Variants in COMMD10 observed in about 807,000 individuals in gnomAD.
COMMD10 encodes the protein COMM domain containing 10.
Under a neutral mutation model 28.9 loss-of-function variants are expected in COMMD10, and 33 were observed. That is an observed-to-expected ratio of 1.14 (90% CI 0.87 to 1.53). COMMD10 has a LOEUF of 1.53. Among genes scored for constraint, COMMD10 ranks in the 40% most tolerant of loss-of-function variants. The probability of loss-of-function intolerance (pLI) is 0.00; values close to 1 mark genes in which losing one functional copy is unlikely to be tolerated. For missense variants in COMMD10, 310 were observed against 233.4 expected, an observed-to-expected ratio of 1.33 and a Z score of -2.14; for synonymous variants, 110 against 81.7, an observed-to-expected ratio of 1.35 and a Z score of -1.87.
At chr5:116,253,499 A>G (rs1187891212) in intron 5 of COMMD10, among the ~76,000 whole-genome samples, 7 of 148,930 alleles carry the variant, frequency 4.7e-5, no homozygotes, top group African/African-American at 9.9e-5. Context: ...GAGAGTTTTT[A>G]GCATGAAGCG....
At chr5:116,223,231 T>C (rs1044955144) in intron 5 of COMMD10, among the ~76,000 whole-genome samples, 12 of 152,104 alleles carry the variant, frequency 7.9e-5, no homozygotes, top group African/African-American at 2.7e-4. Context: ...GGATAAAATG[T>C]AAGGAAATCA....
chr5:116,164,836 C>T (rs1349285468), intron 5 of COMMD10, among the ~76,000 whole-genome samples: 1 of 152,058 alleles, frequency 6.6e-6, no homozygotes, highest in East Asian at 1.9e-4. Context: ...ATTTTATGTA[C>T]TGCCACTTAA....
chr5:116,112,303 C>G (rs1751070755), intron 4 of COMMD10, among the ~76,000 whole-genome samples: 1 of 152,004 alleles, frequency 6.6e-6, no homozygotes, highest in African/African-American at 2.4e-5. Flanking sequence ...TTTCGTTGGC[C>G]CATAATATCA....
chr5:116,178,009 G>C (rs922181007), intron 5 of COMMD10, among the ~76,000 whole-genome samples: 3 of 151,966 alleles, frequency 2.0e-5, no homozygotes, highest in Non-Finnish European at 4.4e-5. Flanking sequence ...AAAAAGATAG[G>C]GTTCAGAATG....
At chr5:116,268,253 G>GA (rs1434098469) in intron 5 of COMMD10, among the ~76,000 whole-genome samples, 1 of 151,598 alleles carries the variant, frequency 6.6e-6, no homozygotes, top group African/African-American at 2.4e-5. Context: ...AAATTTACAA[G>GA]AAAAAAATCA....
chr5:116,200,476 C>G (rs570955458), intron 5 of COMMD10, among the ~76,000 whole-genome samples: 1 of 152,152 alleles, frequency 6.6e-6, no homozygotes, highest in East Asian at 1.9e-4. Flanking sequence ...TGACATTAAT[C>G]TGAGGACATT....
At chr5:116,251,743 A>G (rs1434653550) in intron 5 of COMMD10, among the ~76,000 whole-genome samples, 40 of 151,842 alleles carry the variant, frequency 2.6e-4, no homozygotes, top group Admixed American at 6.6e-4. Flanking sequence ...GAATAATGCC[A>G]CAATAAACAT....
intron 5 of COMMD10, among the ~76,000 whole-genome samples, chr5:116,285,437 C>T (rs892258430): frequency 6.6e-6 from 1 of 151,876 alleles, no homozygotes; most frequent in Non-Finnish European, 1.5e-5. Context: ...AAAACAACTG[C>T]CCTGGGCCAC....
Position 116,245,052 on chromosome 5 carries a change from G to GAAA in COMMD10, c.511-46457_511-46455dup, listed in dbSNP as rs56658530. ...ACATAAATCCAGGAGCTGGTTTTTTGAAAAAAAAAATTAATAAAATACATA... is the reference window on the plus strand; with the variant it reads ...ACATAAATCCAGGAGCTGGTTTTTTGAAAAAAAAAAAAATTAATAAAATACATA... On this transcript the variant is annotated intron_variant, in intron 5 of 6. Transcript: ENST00000274458. Among the ~76,000 whole-genome samples, 1,107 of 149,730 alleles carry GAAA rather than the reference G, an allele frequency of 7.4e-3. 17 individuals carry two copies. The highest frequency in any genetic ancestry group is 0.025 in the African/African-American group (1,030 of 40,812).
intron 5 of COMMD10, among the ~76,000 whole-genome samples, chr5:116,262,605 A>T (rs1430056090): frequency 2.0e-5 from 3 of 151,906 alleles, no homozygotes; most frequent in African/African-American, 7.3e-5. Context: ...TCTACTCATT[A>T]TAAAAGTGAA....
intron 4 of COMMD10, among the ~76,000 whole-genome samples, chr5:116,102,604 T>A (rs927544337): frequency 3.9e-5 from 6 of 152,158 alleles, no homozygotes; most frequent in African/African-American, 1.4e-4. Flanking sequence ...ATGACAATGG[T>A]ATTTTGATAA....
At chr5:116,226,840 G>A (rs930442152) in intron 5 of COMMD10, among the ~76,000 whole-genome samples, 1 of 152,106 alleles carries the variant, frequency 6.6e-6, no homozygotes, top group Non-Finnish European at 1.5e-5. Context: ...CCTATTTTCT[G>A]TTAAAGTTGC....
At chr5:116,119,244 A>C (rs772723930) in intron 4 of COMMD10, among the ~76,000 whole-genome samples, 39 of 152,250 alleles carry the variant, frequency 2.6e-4, no homozygotes, top group Non-Finnish European at 4.0e-4. Context: ...TTGTCACCCT[A>C]ACAGTGAGAC....
At chr5:116,248,133 C>CA (rs35046766) in intron 5 of COMMD10, among the ~76,000 whole-genome samples, 17,053 of 145,358 alleles carry the variant, frequency 0.12, 1,212 homozygotes, top group East Asian at 0.25. Flanking sequence ...TGTGCTAAGC[C>CA]AAAAAAAAAA....
chr5:116,205,153 A>G (rs1219099236), intron 5 of COMMD10, among the ~76,000 whole-genome samples: 1 of 152,190 alleles, frequency 6.6e-6, no homozygotes, highest in Non-Finnish European at 1.5e-5. Flanking sequence ...GCAATAATAA[A>G]TATAAATTTT....
intron 5 of COMMD10, among the ~76,000 whole-genome samples, chr5:116,214,778 ATGTCTGCTACAT>A (rs1380782953): frequency 1.3e-5 from 2 of 152,142 alleles, no homozygotes; most frequent in Non-Finnish European, 2.9e-5. Context: ...ACCCATTTAA[ATGTCTGCTACAT>A]TGTTTCCTGC....
chr5:116,199,857 G>C (rs1748618328), intron 5 of COMMD10, among the ~76,000 whole-genome samples: 1 of 152,118 alleles, frequency 6.6e-6, no homozygotes, highest in Non-Finnish European at 1.5e-5. Context: ...TGGGATTACA[G>C]GTATGTAGCA....
chr5:116,258,957 C>T (rs529171367), intron 5 of COMMD10, among the ~76,000 whole-genome samples: 1 of 151,444 alleles, frequency 6.6e-6, no homozygotes, highest in South Asian at 2.1e-4. Context: ...CTAGATCTAT[C>T]CTCCTTTTCT....
At chr5:116,199,998 A>G (rs1303752734) in intron 5 of COMMD10, among the ~76,000 whole-genome samples, 1 of 152,190 alleles carries the variant, frequency 6.6e-6, no homozygotes, top group Non-Finnish European at 1.5e-5. Context: ...TTGTGGATAC[A>G]TACTAGGTGT....
Sources: allele counts gnomAD v4.1 joint callset (sites outside exome capture counted in the v4.1 genomes callset), GRCh38; gene constraint gnomAD v4.1.1; transcripts MANE v1.5; gene names NCBI Gene and HGNC (gene_info 2026-07-23, HGNC 2026-07-21).